Variants in UBE3C observed in about 807,000 individuals in gnomAD.
UBE3C encodes the protein ubiquitin-protein ligase E3C.
In UBE3C, 42 loss-of-function variants were observed where a neutral mutation model predicts 129.4. The observed-to-expected ratio is 0.32, with a 90% CI of 0.25 to 0.42. UBE3C has a LOEUF of 0.42. Among genes scored for constraint, UBE3C ranks in the 10% least tolerant of loss-of-function variants. UBE3C has a pLI of 1.00. For missense variants in UBE3C, 1,049 were observed against 1,319.1 expected, an observed-to-expected ratio of 0.80 and a Z score of 3.17; for synonymous variants, 510 against 492.4, an observed-to-expected ratio of 1.04 and a Z score of -0.47.
chr7:157,244,268 GC>G (rs1376782026), intron 18 of UBE3C, among the ~76,000 whole-genome samples: 1 of 152,138 alleles, frequency 6.6e-6, no homozygotes, highest in Non-Finnish European at 1.5e-5. Context: ...TATATCTCCT[GC>G]CCCCTAGGAG....
chr7:157,234,012 T>A (rs1796090259), intron 18 of UBE3C, among the ~76,000 whole-genome samples: 1 of 152,236 alleles, frequency 6.6e-6, no homozygotes, highest in African/African-American at 2.4e-5. Context: ...GTCCATTGCC[T>A]ATTTTTTTAT....
At chr7:157,207,653 T>C (rs1307806778) in intron 12 of UBE3C, 50 bp from the exon 13 acceptor site, 4 of 1,596,604 alleles carry the variant, frequency 2.5e-6, no homozygotes, top group African/African-American at 2.7e-5. Flanking sequence ...TTTCAGTGTG[T>C]GTTAAAAGAT....
intron 5 of UBE3C, 122 bp downstream of exon 5, chr7:157,175,156 T>TG: frequency 1.6e-6 from 1 of 633,090 alleles, no homozygotes; most frequent in Non-Finnish European, 2.4e-6. Context: ...TTTTTTTTTT[T>TG]TTGAGGTCAT....
chr7:157,192,616 A>G (rs1809001267), intron 10 of UBE3C: 2 of 765,324 alleles, frequency 2.6e-6, no homozygotes, highest in Admixed American at 3.4e-5. Context: ...AAGGAGTCTT[A>G]CCCCACTCCC....
At chr7:157,219,540 C>T (rs1795679505) in intron 14 of UBE3C, among the ~76,000 whole-genome samples, 1 of 152,126 alleles carries the variant, frequency 6.6e-6, no homozygotes, top group South Asian at 2.1e-4. Flanking sequence ...TTTAACAACA[C>T]CATGAGGGTG....
rs142175875 is a variant in UBE3C, at chr7:157,242,753, C to T, written c.2482-5615C>T. On this transcript the variant is annotated intron_variant, in intron 18 of 22. Coordinates refer to ENST00000348165, the MANE Select transcript of UBE3C (RefSeq NM_014671.3). ...ACCTGGAAGCCATAGAACTAGAAGTCGAGGAAAAAAAGGAAGGGTCGAGCC... is the reference window on the plus strand; with the variant it reads ...ACCTGGAAGCCATAGAACTAGAAGTTGAGGAAAAAAAGGAAGGGTCGAGCC... Among the ~76,000 whole-genome samples, 11 of 151,480 alleles carry T rather than the reference C, an allele frequency of 7.3e-5. No individual in the cohort carries two copies. The East Asian group carries it at 1.7e-3, about 24-fold the overall frequency.
At chr7:157,259,205 A>G (rs1315743213) in intron 22 of UBE3C, among the ~76,000 whole-genome samples, 1 of 152,362 alleles carries the variant, frequency 6.6e-6, no homozygotes, top group East Asian at 1.9e-4. Context: ...GTGGGAGCGG[A>G]GCCCCGCAGT....
rs371465790 is a variant in UBE3C at position 157,267,787 on chromosome 7, A to G, written c.*32A>G. 5.3e-6 allele frequency: 8 copies of G among 1,521,656 alleles called. No homozygotes were observed. The highest frequency in any genetic ancestry group is 7.0e-6 in the Non-Finnish European group (8 of 1,136,980). The allele number at this position is 1,521,656 out of a possible 1,614,324, so 94.3% of individuals were successfully genotyped here. ...TGCTGGGGTCAGACCCCTACAGAGA[A>G]CCAGTGCTTCCTTCGTCAGCAGCGC... On this transcript the variant is annotated 3_prime_UTR_variant, in exon 23 of 23. Coordinates refer to ENST00000348165, the MANE Select transcript of UBE3C (RefSeq NM_014671.3).
chr7:157,211,401 ATTTTGT>A (rs1809592047), intron 13 of UBE3C, among the ~76,000 whole-genome samples: 1 of 152,028 alleles, frequency 6.6e-6, no homozygotes, highest in Non-Finnish European at 1.5e-5. Context: ...ATTTTGATTG[ATTTTGT>A]TTTTGTTTTT....
intron 10 of UBE3C, among the ~76,000 whole-genome samples, chr7:157,200,727 T>C (rs1355690516): frequency 6.6e-6 from 1 of 152,084 alleles, no homozygotes; most frequent in Non-Finnish European, 1.5e-5. Flanking sequence ...CTTGAACTCC[T>C]GGGCTCTATC....
At chr7:157,259,149 A>G (rs1796832331) in intron 22 of UBE3C, among the ~76,000 whole-genome samples, 1 of 152,252 alleles carries the variant, frequency 6.6e-6, no homozygotes, top group African/African-American at 2.4e-5. Context: ...AGCACATGTT[A>G]AAAATGAACA....
intron 2 of UBE3C, among the ~76,000 whole-genome samples, chr7:157,165,438 A>G (rs577289232): frequency 6.8e-5 from 10 of 147,508 alleles, no homozygotes; most frequent in Non-Finnish European, 1.5e-4. Context: ...CACTTTGTCA[A>G]CCGGGCTGGA....
Position 157,267,855 on chromosome 7 carries a change from T to C in UBE3C, c.*100T>C. On this transcript the variant is annotated 3_prime_UTR_variant, in exon 23 of 23. Coordinates refer to ENST00000348165, the MANE Select transcript of UBE3C (RefSeq NM_014671.3). ...GATACTCACACTGCACGCCTGAGGC[T>C]CTCCTAAGCTCCTTCTTTCATTCTG... 1.0e-6 allele frequency: 1 copy of C among 992,586 alleles called. No homozygotes were observed. The highest frequency in any genetic ancestry group is 1.4e-6 in the Non-Finnish European group (1 of 706,144). The allele number at this position is 992,586 out of a possible 1,614,324, so 61.5% of individuals were successfully genotyped here.
intron 19 of UBE3C, 25 bp downstream of exon 19, chr7:157,248,605 C>T: frequency 6.2e-7 from 1 of 1,609,174 alleles, no homozygotes; most frequent in Non-Finnish European, 8.5e-7. Flanking sequence ...GGAGGATTCA[C>T]ATACCTGTAT....
rs1027227905 is a variant in UBE3C at position 157,264,088 on chromosome 7, C to A, written c.3082-3497C>A. ...GCTCGGCCTGTTACACACACACACA[C>A]CTGGTATTACAGGTGTGAGCCAACA... is the stretch of plus-strand genomic sequence containing the variant. On this transcript the variant is annotated intron_variant, in intron 22 of 22. Coordinates refer to ENST00000348165, the MANE Select transcript of UBE3C (RefSeq NM_014671.3). Among the ~76,000 whole-genome samples, 3 of 151,052 alleles carry A rather than the reference C, an allele frequency of 2.0e-5. No individual in the cohort carries two copies. In the South Asian group the frequency reaches 6.3e-4, roughly 32 times the overall value.
chr7:157,186,703 A>G (rs1808815532), intron 9 of UBE3C, 131 bp from the exon 10 acceptor site: 3 of 991,538 alleles, frequency 3.0e-6, no homozygotes, highest in East Asian at 2.5e-5. Context: ...GTGTACTGTG[A>G]TGTAGATAAT....
intron 1 of UBE3C, among the ~76,000 whole-genome samples, chr7:157,145,203 C>T (rs1200422833): frequency 4.6e-5 from 7 of 151,340 alleles, no homozygotes; most frequent in African/African-American, 1.5e-4. Flanking sequence ...ATTGTGCCAG[C>T]GCATTCCAGC....
chr7:157,248,613 T>C (rs1280770184), intron 19 of UBE3C, 33 bp downstream of exon 19: 1 of 1,600,870 alleles, frequency 6.2e-7, no homozygotes, highest in Non-Finnish European at 8.5e-7. Flanking sequence ...CACATACCTG[T>C]ATAGCAAGTA....
In UBE3C at chr7:157,231,108, G is replaced by A; in HGVS notation, c.2262G>A (p.Val754=). The change falls in exon 18 of 23, where the codon GTG becomes GTA. Residue 754 remains valine, a synonymous_variant. Transcript: ENST00000348165. ...NEPDLKKRIR[V]HLLNAHGLDE... is the part of the protein sequence containing the mutation. ...CTGATTTGAAAAAGCGGATCCGTGT[G>A]CACTTGCTCAATGCCCATGGCCTGG... The A allele has an allele frequency of 1.2e-6, 2 of 1,614,050 alleles. No homozygotes were observed. The highest frequency in any genetic ancestry group is 1.7e-6 in the Non-Finnish European group (2 of 1,180,018).
Sources: allele counts gnomAD v4.1 joint callset (sites outside exome capture counted in the v4.1 genomes callset), GRCh38; gene constraint gnomAD v4.1.1; transcripts MANE v1.5; gene names NCBI Gene and HGNC (gene_info 2026-07-23, HGNC 2026-07-21).